KCNK12: variants seen among roughly 807,000 people sequenced by gnomAD.
KCNK12 encodes potassium channel subfamily K member 12.
A neutral mutation model predicts 25.3 loss-of-function variants in KCNK12; 6 were observed. The observed-to-expected ratio is 0.24, with a 90% confidence interval of 0.13 to 0.47. KCNK12 has a LOEUF of 0.47. KCNK12 is among the 20% of genes least tolerant of loss of function. KCNK12 has a pLI of 0.99. For synonymous variants in KCNK12, 331 were observed against 311.1 expected (o/e 1.06, Z -0.67); for missense variants, 444 against 661.7 (o/e 0.67, Z 3.61).
At position 47,520,595 on chromosome 2, in the gene KCNK12, C is replaced by T; in HGVS notation, c.*312G>A. 3.6e-6 allele frequency: 1 copy of T among 274,130 alleles called. No homozygotes were observed. The highest frequency in any genetic ancestry group is 6.7e-6 in the Non-Finnish European group (1 of 148,342). 17.0% of individuals were successfully genotyped at this position (274,130 alleles called of 1,614,324 possible). On this transcript the variant is annotated 3_prime_UTR_variant, in exon 2 of 2. Coordinates refer to ENST00000327876, the MANE Select transcript of KCNK12 (RefSeq NM_022055.2). This position sits in a 1 kb window ranked among gnomAD's most constrained non-coding sequence, Gnocchi z 5.0. The stretch of plus-strand genomic sequence containing the variant: ...CTGTGCATGGGGACGGGGTTTAGTG[C>T]CAGTCTGCAAAACCCTCCTCGCTGC...
Position 47,511,840 on chromosome 2 carries a change from A to G in KCNK12, c.*9067T>C, listed in dbSNP as rs1289467272. 6.6e-6 allele frequency among the ~76,000 whole-genome samples: 1 copy of G among 152,216 alleles called. No homozygotes were observed. The highest frequency in any genetic ancestry group is 1.5e-5 in the Non-Finnish European group (1 of 68,040). ...ATGTTCTATATCTGTGCTATCCAAT[A>G]TGGTAGCCACAAGTTACATGTGGCT... On this transcript the variant is annotated 3_prime_UTR_variant, in exon 2 of 2. Coordinates refer to ENST00000327876, the MANE Select transcript of KCNK12 (RefSeq NM_022055.2). The surrounding 1 kb of genome is among the most constrained non-coding windows in gnomAD (Gnocchi z 4.3).
chr2:47,570,387 C>A lies in KCNK12; in HGVS notation c.-56G>T. The A allele has an allele frequency of 8.3e-7, 1 of 1,210,482 alleles. No homozygotes were observed. Among genetic ancestry groups the A allele is most frequent in the Non-Finnish European group, 1.0e-6 (1 of 975,174 alleles). 75.0% of individuals were successfully genotyped at this position (1,210,482 alleles called of 1,614,324 possible). On this transcript the variant is annotated 5_prime_UTR_variant, in exon 1 of 2. Coordinates refer to ENST00000327876, the MANE Select transcript of KCNK12 (RefSeq NM_022055.2). The stretch of plus-strand genomic sequence containing the variant: ...GCGCTCGGGGCCCGGGCCACGACAT[C>A]CCCCCGGCGGGAGCAGGAGCGTGAG...
chr2:47,514,498 C>T lies in KCNK12; in HGVS notation c.*6409G>A, dbSNP rs1250913385. Among the ~76,000 whole-genome samples, 1 of 152,194 alleles carries T rather than the reference C, an allele frequency of 6.6e-6. No individual in the cohort carries two copies. Among genetic ancestry groups the T allele is most frequent in the African/African-American group, 2.4e-5 (1 of 41,442 alleles). On this transcript the variant is annotated 3_prime_UTR_variant, in exon 2 of 2. Coordinates refer to ENST00000327876, the MANE Select transcript of KCNK12 (RefSeq NM_022055.2). The surrounding 1 kb of genome is among the most constrained non-coding windows in gnomAD (Gnocchi z 5.0). Reference sequence around the variant, plus strand: ...CCCAAGACAAAATGGGAGGAAAGTGCCAAATTTCCAAGATTGGCCAGGGGA... The same window carrying T: ...CCCAAGACAAAATGGGAGGAAAGTGTCAAATTTCCAAGATTGGCCAGGGGA...
Position 47,511,602 on chromosome 2 carries a change from G to T in KCNK12, c.*9305C>A, listed in dbSNP as rs1367377009. Among the ~76,000 whole-genome samples the T allele has an allele frequency of 6.6e-6, 1 of 152,198 alleles. No individual in the cohort carries two copies. Among genetic ancestry groups the T allele is most frequent in the African/African-American group, 2.4e-5 (1 of 41,442 alleles). On this transcript the variant is annotated 3_prime_UTR_variant, in exon 2 of 2. Coordinates refer to ENST00000327876, the MANE Select transcript of KCNK12 (RefSeq NM_022055.2). This position sits in a 1 kb window ranked among gnomAD's most constrained non-coding sequence, Gnocchi z 4.3. ...TGCTTTTGCCCTGGGGGTGGGAGAG[G>T]GATGGGTGCACGGTGAACAGCAGGT...
In KCNK12 at chr2:47,562,447, A is replaced by G; in HGVS notation, c.391+7494T>C. ...GGCCCAGGCACACCAGTTACCACTG[A>G]CCTGCTAGTAAGCCAGGAACTTAGC... On this transcript the variant is annotated intron_variant, in intron 1 of 1. Transcript: ENST00000327876. The surrounding 1 kb of genome is among the most constrained non-coding windows in gnomAD (Gnocchi z 4.8). 3.7e-6 allele frequency: 1 copy of G among 268,154 alleles called. No homozygotes were observed. The highest frequency in any genetic ancestry group is 7.0e-6 in the Non-Finnish European group (1 of 142,118). 16.6% of individuals were successfully genotyped at this position (268,154 alleles called of 1,614,324 possible).
chr2:47,545,448 T>C (rs1033485168), intron 1 of KCNK12, among the ~76,000 whole-genome samples: 1 of 152,086 alleles, frequency 6.6e-6, no homozygotes, highest in Non-Finnish European at 1.5e-5. Flanking sequence ...TGTCAGAGAG[T>C]GGACCCTTTG....
Position 47,558,441 on chromosome 2 carries a change from G to A in KCNK12, c.391+11500C>T, listed in dbSNP as rs187121688. ...CCATGCAATCTCAGCTTTCTTTCCC[G>A]ACCTTCCATTTTAGAAGAGAACCCA... On this transcript the variant is annotated intron_variant, in intron 1 of 1. Transcript: ENST00000327876. Among the ~76,000 whole-genome samples, 295 of 152,284 alleles carry A rather than the reference G, an allele frequency of 1.9e-3. 2 individuals carry two copies. Among genetic ancestry groups the A allele is most frequent in the African/African-American group, 6.9e-3 (288 of 41,550 alleles).
In KCNK12 at chr2:47,520,293, T is replaced by TTTGGAAA. The variant is rs1430792668; in HGVS notation, c.*613_*614insTTTCCAA. On this transcript the variant is annotated 3_prime_UTR_variant, in exon 2 of 2. Coordinates refer to ENST00000327876, the MANE Select transcript of KCNK12 (RefSeq NM_022055.2). The surrounding 1 kb of genome is among the most constrained non-coding windows in gnomAD (Gnocchi z 5.0). ...CCAGCTAAGCCCCTCACCACTGCAATTTCCAAATCTGGGGGAAATGCCACA... is the reference window on the plus strand; with the variant it reads ...CCAGCTAAGCCCCTCACCACTGCAATTTGGAAATTCCAAATCTGGGGGAAATGCCACA... The TTTGGAAA allele has an allele frequency of 6.6e-6, 1 of 152,324 alleles. No individual in the cohort carries two copies. Among genetic ancestry groups the TTTGGAAA allele is most frequent in the Non-Finnish European group, 1.5e-5 (1 of 68,156 alleles). 9.4% of individuals were successfully genotyped at this position (152,324 alleles called of 1,614,324 possible). A position where few individuals can be genotyped will look rare whatever the true frequency, so the allele number is the denominator to read the frequency against.
chr2:47,521,880 G>T, intron 1 of KCNK12, 72 bp from the exon 2 acceptor site: 2 of 1,131,924 alleles, frequency 1.8e-6, no homozygotes, highest in East Asian at 3.1e-5. Flanking sequence ...GGTGGGGGGT[G>T]TGGGGGCGGG....
Position 47,570,602 on chromosome 2 carries a change from G to C in KCNK12, c.-271C>G, listed in dbSNP as rs1669872367. 4.2e-5 allele frequency: 10 copies of C among 239,144 alleles called. No homozygotes were observed. The South Asian group carries it at 1.6e-3, about 38-fold the overall frequency. 14.8% of individuals were successfully genotyped at this position (239,144 alleles called of 1,614,324 possible). A position where few individuals can be genotyped will look rare whatever the true frequency, so the allele number is the denominator to read the frequency against. On this transcript the variant is annotated 5_prime_UTR_variant, in exon 1 of 2. Coordinates refer to ENST00000327876, the MANE Select transcript of KCNK12 (RefSeq NM_022055.2). ...CTCTGCGCGCCCCGACGCCTCGCCG[G>C]CTCCCGCGGCTCCTTACCCGCCGCT...
intron 1 of KCNK12, among the ~76,000 whole-genome samples, chr2:47,541,658 G>A (rs1669202723): frequency 6.6e-6 from 1 of 152,118 alleles, no homozygotes; most frequent in African/African-American, 2.4e-5. Context: ...GAGGCCATTA[G>A]GGTGAGCCCT....
At chr2:47,564,482 A>C (rs1030130028) in intron 1 of KCNK12, 2 of 220,064 alleles carry the variant, frequency 9.1e-6, no homozygotes, top group African/African-American at 4.5e-5. Context: ...CAGAACATCA[A>C]CTAGATGGAA....
At chr2:47,542,255 C>G (rs2104817853) in intron 1 of KCNK12, among the ~76,000 whole-genome samples, 1 of 152,306 alleles carries the variant, frequency 6.6e-6, no homozygotes, top group South Asian at 2.1e-4. Context: ...CCCAGGGGCA[C>G]AGCCTGGTCT....
In KCNK12 at chr2:47,521,009, C is replaced by T. The variant is rs2104719994; in HGVS notation, c.1191G>A (p.Pro397=). The T allele has an allele frequency of 7.2e-7, 1 of 1,395,870 alleles. No homozygotes were observed. The highest frequency in any genetic ancestry group is 9.3e-7 in the Non-Finnish European group (1 of 1,072,132). The allele number at this position is 1,395,870 out of a possible 1,614,324, so 86.5% of individuals were successfully genotyped here. A position where few individuals can be genotyped will look rare whatever the true frequency, so the allele number is the denominator to read the frequency against. Residue 397 remains proline, a synonymous_variant, in exon 2 of 2, where the codon CCG becomes CCA. Transcript: ENST00000327876. ...GGCGCGTGTTGACGCACACGCTGCG[C>T]GGGTAGCCGTTGGCCGTCTCCGACA... The part of the protein sequence containing the change: ...KQLSETANGY[P]RSVCVNTRQN...
rs761660057 is a variant in KCNK12, at chr2:47,562,355, G to A, written c.391+7586C>T. The A allele has an allele frequency of 1.9e-5, 7 of 368,574 alleles. No homozygotes were observed. The highest frequency in any genetic ancestry group is 2.4e-5 in the Non-Finnish European group (5 of 207,612). 22.8% of individuals were successfully genotyped at this position (368,574 alleles called of 1,614,324 possible). ...GATGCTTCATCCTGAGGTCACCTTGGAATGAGATCCTCTGGGATCTGGAGG... is the reference window on the plus strand; with the variant it reads ...GATGCTTCATCCTGAGGTCACCTTGAAATGAGATCCTCTGGGATCTGGAGG... On this transcript the variant is annotated intron_variant, in intron 1 of 1. Transcript: ENST00000327876. This position sits in a 1 kb window ranked among gnomAD's most constrained non-coding sequence, Gnocchi z 4.8.
At chr2:47,545,708 C>T (rs1382945826) in intron 1 of KCNK12, among the ~76,000 whole-genome samples, 1 of 152,168 alleles carries the variant, frequency 6.6e-6, no homozygotes, top group Non-Finnish European at 1.5e-5. Context: ...CTGTGCTCAC[C>T]TCCACAGGAT....
intron 1 of KCNK12, among the ~76,000 whole-genome samples, chr2:47,545,853 GA>G (rs1187748694): frequency 6.7e-6 from 1 of 149,470 alleles, no homozygotes; most frequent in Non-Finnish European, 1.5e-5. Flanking sequence ...GAGTAGATAA[GA>G]AAAAAATAGA....
In KCNK12 at chr2:47,534,240, CTG is replaced by C. The variant is rs200153116; in HGVS notation, c.392-12434_392-12433del. Among the ~76,000 whole-genome samples the C allele has an allele frequency of 4.7e-3, 715 of 152,160 alleles. 7 individuals carry two copies. The highest frequency in any genetic ancestry group is 0.016 in the African/African-American group (682 of 41,508). On this transcript the variant is annotated intron_variant, in intron 1 of 1. Coordinates refer to ENST00000327876, the MANE Select transcript of KCNK12 (RefSeq NM_022055.2). ...GGGCTGACTTCAACCACCCCCCACTCTGTGCTTTATCTCTGGGATTAAGGTTT... is the reference window on the plus strand; with the variant it reads ...GGGCTGACTTCAACCACCCCCCACTCTGCTTTATCTCTGGGATTAAGGTTT...
intron 1 of KCNK12, chr2:47,563,344 A>T: frequency 4.3e-6 from 1 of 232,632 alleles, no homozygotes; most frequent in Non-Finnish European, 8.5e-6. Flanking sequence ...CTATGTGAGC[A>T]GTGTGTGTGT....
Sources: gnomAD v4.1 joint callset for allele counts (sites outside exome capture counted in the v4.1 genomes callset) on GRCh38, gnomAD v4.1.1 for gene constraint, Gnocchi (gnomAD v3.1) non-coding constraint, MANE v1.5 for transcripts, NCBI Gene and HGNC (gene_info 2026-07-23, HGNC 2026-07-21) for gene names.